Variants in CYP7B1 observed in about 807,000 individuals in gnomAD.
CYP7B1 encodes the protein cytochrome P450 family 7 subfamily B member 1.
Under a neutral mutation model 42.7 loss-of-function variants are expected in CYP7B1, and 29 were observed. The ratio of observed to expected loss-of-function variants is 0.68; its 90% CI spans 0.51 to 0.93. The LOEUF is 0.93. Ranked by LOEUF, CYP7B1 falls within the 40% of genes least tolerant of loss-of-function variation. The pLI, the probability that CYP7B1 is intolerant of heterozygous loss-of-function variation, is 0.00. For missense variants in CYP7B1, 655 were observed against 600.5 expected, an observed-to-expected ratio of 1.09 and a Z score of -0.95; for synonymous variants, 235 against 218.2, an observed-to-expected ratio of 1.08 and a Z score of -0.68.
intron 1 of CYP7B1, among the ~76,000 whole-genome samples, chr8:64,758,489 G>A (rs1251505902): frequency 6.6e-6 from 1 of 152,016 alleles, no homozygotes; most frequent in East Asian, 1.9e-4. Flanking sequence ...CTATCAAACA[G>A]AGATAATAAT....
Position 64,696,286 on chromosome 8 carries a change from T to TA in CYP7B1, c.123-71748dup, listed in dbSNP as rs1183534421. Among the ~76,000 whole-genome samples the TA allele has an allele frequency of 5.3e-5, 8 of 152,332 alleles. No homozygotes were observed. In the East Asian group the frequency reaches 1.5e-3, roughly 29 times the overall value. Reference sequence around the variant, plus strand: ...GGTACTCACTTAGACCAGATGTTTTTACATATTGAACTTATTGATTATGAC... The same window carrying TA: ...GGTACTCACTTAGACCAGATGTTTTTAACATATTGAACTTATTGATTATGAC... On this transcript the variant is annotated intron_variant, in intron 1 of 5. Transcript: ENST00000310193.
rs1017479408 is a variant in CYP7B1 at position 64,721,103 on chromosome 8, T to TA, written c.122+77362dup. On this transcript the variant is annotated intron_variant, in intron 1 of 5. Coordinates refer to ENST00000310193, the MANE Select transcript of CYP7B1 (RefSeq NM_004820.5). The stretch of plus-strand genomic sequence containing the variant: ...CTGATTCTTACCTGGTTTTTTTTTT[T>TA]ACCTATAAAGTCAATCTAAACTTTC... Among the ~76,000 whole-genome samples, 6 of 152,090 alleles carry TA rather than the reference T, an allele frequency of 3.9e-5. No individual in the cohort carries two copies. The East Asian group carries it at 7.7e-4, about 20-fold the overall frequency.
At chr8:64,617,417 A>G (rs1261775904) in intron 2 of CYP7B1, among the ~76,000 whole-genome samples, 1 of 152,172 alleles carries the variant, frequency 6.6e-6, no homozygotes, top group Non-Finnish European at 1.5e-5. Flanking sequence ...AGCTGAAGAA[A>G]GTCAAGAGAT....
chr8:64,694,206 A>C (rs543290320), intron 1 of CYP7B1, among the ~76,000 whole-genome samples: 2 of 152,348 alleles, frequency 1.3e-5, no homozygotes, highest in East Asian at 3.9e-4. Context: ...GAAATAATTT[A>C]ATATTGAATC....
intron 3 of CYP7B1, 97 bp downstream of exon 3, chr8:64,615,594 C>T: frequency 8.8e-7 from 1 of 1,132,840 alleles, no homozygotes; most frequent in Non-Finnish European, 1.3e-6. Flanking sequence ...TTAGAAAGAG[C>T]ATAAAAAATT....
chr8:64,627,304 C>T (rs1166574190), intron 1 of CYP7B1, among the ~76,000 whole-genome samples: 4 of 152,136 alleles, frequency 2.6e-5, no homozygotes, highest in African/African-American at 9.7e-5. Context: ...ATTCCATATC[C>T]AAAGATTGAA....
intron 1 of CYP7B1, among the ~76,000 whole-genome samples, chr8:64,665,579 T>G (rs1806264920): frequency 8.3e-6 from 1 of 121,046 alleles, no homozygotes; most frequent in Admixed American, 8.5e-5. Flanking sequence ...TTTTTTTTTT[T>G]TTTTTTTTTT....
chr8:64,665,417 G>A (rs1806259479), intron 1 of CYP7B1, among the ~76,000 whole-genome samples: 1 of 152,064 alleles, frequency 6.6e-6, no homozygotes, highest in Admixed American at 6.5e-5. Flanking sequence ...CAGAAATGCT[G>A]GAGGAGTGCA....
At chr8:64,629,740 T>A (rs1002881007) in intron 1 of CYP7B1, among the ~76,000 whole-genome samples, 15 of 152,208 alleles carry the variant, frequency 9.9e-5, no homozygotes, top group Non-Finnish European at 4.4e-5. Flanking sequence ...AAACACTCTT[T>A]ATCCCCGCAC....
At chr8:64,785,086 T>C (rs1051649265) in intron 1 of CYP7B1, among the ~76,000 whole-genome samples, 1 of 152,160 alleles carries the variant, frequency 6.6e-6, no homozygotes, top group African/African-American at 2.4e-5. Flanking sequence ...GATATATAAA[T>C]GGCAAATAAG....
intron 1 of CYP7B1, among the ~76,000 whole-genome samples, chr8:64,771,664 T>A (rs1444668330): frequency 6.6e-6 from 1 of 152,178 alleles, no homozygotes; most frequent in East Asian, 1.9e-4. Flanking sequence ...CCCTCTCCCA[T>A]GTGCTGTAGT....
At chr8:64,660,007 G>A (rs1806178307) in intron 1 of CYP7B1, among the ~76,000 whole-genome samples, 1 of 152,160 alleles carries the variant, frequency 6.6e-6, no homozygotes, top group African/African-American at 2.4e-5. Flanking sequence ...GATGAACACT[G>A]AAAACAATAA....
At chr8:64,732,179 G>A (rs1481396168) in intron 1 of CYP7B1, among the ~76,000 whole-genome samples, 1 of 152,162 alleles carries the variant, frequency 6.6e-6, no homozygotes, top group Non-Finnish European at 1.5e-5. Context: ...CTGTGCACCT[G>A]GAAAAGCCAC....
intron 1 of CYP7B1, among the ~76,000 whole-genome samples, chr8:64,753,022 AAG>A (rs1382315760): frequency 3.3e-5 from 5 of 152,216 alleles, no homozygotes; most frequent in African/African-American, 7.2e-5. Flanking sequence ...AAAAAGTTTA[AAG>A]AGTGTGCAAA....
chr8:64,616,045 C>T lies in CYP7B1; in HGVS notation c.496G>A (p.Glu166Lys), dbSNP rs746367791. Residue 166 changes from glutamate (E) to lysine (K), a missense_variant, in exon 3 of 6, where the codon GAA (glutamate) becomes AAA (lysine). Glu to Lys is a moderately conservative substitution (Grantham distance 56). Transcript: ENST00000310193. The stretch of plus-strand genomic sequence containing the variant: ...CTTGTGGTTTTTAACAGCTGGGGTT[C>T]AAAAACTTGTTTTAGATTCTGCATC... Reference protein sequence around the residue: ...SMMQNLKQVFEPQLLKTTSWD... With the variant: ...SMMQNLKQVFKPQLLKTTSWD... The T allele has an allele frequency of 1.2e-6, 2 of 1,613,614 alleles. No homozygotes were observed. Among genetic ancestry groups the T allele is most frequent in the Admixed American group, 1.7e-5 (1 of 59,934 alleles).
chr8:64,625,585 G>C (rs186303352), intron 1 of CYP7B1, among the ~76,000 whole-genome samples: 67 of 152,306 alleles, frequency 4.4e-4, no homozygotes, highest in African/African-American at 1.5e-3. Context: ...TCATCAATGA[G>C]ACCTAAACTT....
chr8:64,706,140 T>C (rs1563398987), intron 1 of CYP7B1, among the ~76,000 whole-genome samples: 1 of 152,016 alleles, frequency 6.6e-6, no homozygotes, highest in Non-Finnish European at 1.5e-5. Flanking sequence ...TTCAGGCTTA[T>C]GATAACATTT....
chr8:64,621,734 ATTTTTTT>A (rs201366655), intron 2 of CYP7B1, among the ~76,000 whole-genome samples: 1 of 132,646 alleles, frequency 7.5e-6, no homozygotes, highest in Non-Finnish European at 1.6e-5. Context: ...AATGCATACA[ATTTTTTT>A]TTTTTTTTTT....
chr8:64,790,137 C>T (rs1031551299), intron 1 of CYP7B1, among the ~76,000 whole-genome samples: 1 of 151,986 alleles, frequency 6.6e-6, no homozygotes, highest in Non-Finnish European at 1.5e-5. Flanking sequence ...AGTGTAAGGT[C>T]CTATTTACAC....
Sources: gnomAD v4.1 joint callset for allele counts (sites outside exome capture counted in the v4.1 genomes callset) on GRCh38, gnomAD v4.1.1 for gene constraint, MANE v1.5 for transcripts, NCBI Gene and HGNC (gene_info 2026-07-23, HGNC 2026-07-21) for gene names.